MAT2A: variants seen among roughly 807,000 people sequenced by gnomAD.
MAT2A encodes S-adenosylmethionine synthase isoform type-2.
A neutral mutation model predicts 43.9 loss-of-function variants in MAT2A; 3 were observed. That is an observed-to-expected ratio of 0.07 (90% confidence interval 0.03 to 0.18). The LOEUF (loss-of-function observed/expected upper bound fraction) is 0.18. MAT2A is among the 10% of genes least tolerant of loss of function. The pLI is 1.00. For synonymous variants in MAT2A, 200 were observed against 168.4 expected (o/e 1.19, Z -1.45); for missense variants, 204 against 489.0 (o/e 0.42, Z 5.50).
At chr2:85,540,081 T>C (rs967187416) in intron 1 of MAT2A, 3 of 152,204 alleles carry the variant, frequency 2.0e-5, no homozygotes, top group Admixed American at 6.5e-5. Context: ...ATGGGAAGCA[T>C]GAATTAGGAG....
rs761278339 is a variant in MAT2A at position 85,539,266 on chromosome 2, A to T, written c.-22A>T. 2.5e-6 allele frequency: 4 copies of T among 1,584,454 alleles called. No homozygotes were observed. ...CTCGCCGCTGCTCCTTCGTAAGGCC[A>T]CTTCCGCACACCGACACCAACATGA... On this transcript the variant is annotated 5_prime_UTR_variant, in exon 1 of 9. Coordinates refer to ENST00000306434, the MANE Select transcript of MAT2A (RefSeq NM_005911.6).
rs1261187254 is a variant in MAT2A at position 85,542,730 on chromosome 2, C to G, written c.934C>G (p.Arg312Gly). Residue 312 changes from arginine (R) to glycine (G), a missense_variant, in exon 7 of 9, where the codon CGG becomes GGG. Coordinates refer to ENST00000306434, the MANE Select transcript of MAT2A (RefSeq NM_005911.6). ...AKSLVKGGLCRRVLVQVSYAI... is the reference protein window; with the variant it reads ...AKSLVKGGLCGRVLVQVSYAI... The stretch of plus-strand genomic sequence containing the variant: ...ATCCCTTGTTAAAGGAGGTCTGTGC[C>G]GGAGGGTTCTTGTTCAGGTATACAC... 6.2e-7 allele frequency: 1 copy of G among 1,611,764 alleles called. No homozygotes were observed. Among genetic ancestry groups the G allele is most frequent in the East Asian group, 2.2e-5 (1 of 44,842 alleles).
intron 6 of MAT2A, 78 bp from the exon 7 acceptor site, chr2:85,542,487 C>A: frequency 1.3e-6 from 2 of 1,535,046 alleles, no homozygotes; most frequent in Non-Finnish European, 1.8e-6. Context: ...AGGATATTTG[C>A]TGAATGAATT....
chr2:85,539,237 C>G lies in MAT2A; in HGVS notation c.-51C>G. ...CAGCTTGCGCATTTCGCAGCCGCTGCCGCCTCGCCGCTGCTCCTTCGTAAG... is the reference window on the plus strand; with the variant it reads ...CAGCTTGCGCATTTCGCAGCCGCTGGCGCCTCGCCGCTGCTCCTTCGTAAG... On this transcript the variant is annotated 5_prime_UTR_variant, in exon 1 of 9. Coordinates refer to ENST00000306434, the MANE Select transcript of MAT2A (RefSeq NM_005911.6). The G allele has an allele frequency of 7.4e-7, 1 of 1,346,062 alleles. No individual in the cohort carries two copies. 83.4% of individuals were successfully genotyped at this position (1,346,062 alleles called of 1,614,324 possible). A position where few individuals can be genotyped will look rare whatever the true frequency, so the allele number is the denominator to read the frequency against.
Position 85,543,150 on chromosome 2 carries a change from T to C in MAT2A, c.1085+116T>C, listed in dbSNP as rs867955485. 1.0e-4 allele frequency: 122 copies of C among 1,190,704 alleles called. 2 individuals are homozygous for C. In the Middle Eastern group the frequency reaches 2.1e-3, roughly 20 times the overall value. The allele number at this position is 1,190,704 out of a possible 1,614,324, so 73.8% of individuals were successfully genotyped here. A position where few individuals can be genotyped will look rare whatever the true frequency, so the allele number is the denominator to read the frequency against. On this transcript the variant is annotated intron_variant, in intron 8 of 8. Transcript: ENST00000306434. ...GAAGACTCCTCAAATGGGAATATAT[T>C]TTAATTCCTGGAACAGTTTTGAACT...
chr2:85,542,003 CATTT>C (rs1416950426), intron 5 of MAT2A, 31 bp downstream of exon 5: 46 of 1,605,486 alleles, frequency 2.9e-5, no homozygotes, highest in Non-Finnish European at 3.2e-5. Flanking sequence ...TTGGTTGTCT[CATTT>C]ATTACATCAG....
At chr2:85,540,640 G>T (rs780303923) in intron 1 of MAT2A, among the ~76,000 whole-genome samples, 3 of 152,200 alleles carry the variant, frequency 2.0e-5, no homozygotes, top group Non-Finnish European at 2.9e-5. Context: ...TTTGTTTCCT[G>T]CGCAACTCCT....
Position 85,539,201 on chromosome 2 carries a change from A to G in MAT2A, c.-87A>G, listed in dbSNP as rs989401149. On this transcript the variant is annotated 5_prime_UTR_variant, in exon 1 of 9. Coordinates refer to ENST00000306434, the MANE Select transcript of MAT2A (RefSeq NM_005911.6). ...CGCGCCGCCCGCCTGCTACGAGTAG[A>G]ACGCTGTCCGCAGCTTGCGCATTTC... The G allele has an allele frequency of 9.5e-6, 9 of 951,210 alleles. No individual in the cohort carries two copies. The highest frequency in any genetic ancestry group is 6.5e-5 in the Admixed American group (3 of 46,476). The allele number at this position is 951,210 out of a possible 1,614,324, so 58.9% of individuals were successfully genotyped here.
chr2:85,542,126 A>G, intron 5 of MAT2A, 29 bp from the exon 6 acceptor site: 1 of 1,592,522 alleles, frequency 6.3e-7, no homozygotes, highest in Non-Finnish European at 8.6e-7. Flanking sequence ...GTTTGGTGTG[A>G]TGTTCTGATG....
At chr2:85,541,049 T>A in intron 1 of MAT2A, 34 bp from the exon 2 acceptor site, 1 of 1,522,292 alleles carries the variant, frequency 6.6e-7, no homozygotes, top group African/African-American at 1.4e-5. Context: ...TGTTTAAAGT[T>A]AAAGAAACTG....
At chr2:85,542,797 G>T in intron 7 of MAT2A, 50 bp downstream of exon 7, 1 of 1,542,566 alleles carries the variant, frequency 6.5e-7, no homozygotes, top group Non-Finnish European at 8.9e-7. Flanking sequence ...AAGTGGGAGG[G>T]TATTTAGTAG....
In MAT2A at chr2:85,540,935, G is replaced by A. The variant is rs529655800; in HGVS notation, c.92-148G>A. 9.9e-5 allele frequency: 60 copies of A among 604,346 alleles called. No individual in the cohort carries two copies. In the African/African-American group the frequency reaches 1.0e-3, roughly 10 times the overall value. The allele number at this position is 604,346 out of a possible 1,614,324, so 37.4% of individuals were successfully genotyped here. On this transcript the variant is annotated intron_variant, in intron 1 of 8. Transcript: ENST00000306434. ...GCAAACTTTGAATTTTAGGAGGAAAGTGCAAACACAATGAATTAAGATGTA... is the reference window on the plus strand; with the variant it reads ...GCAAACTTTGAATTTTAGGAGGAAAATGCAAACACAATGAATTAAGATGTA...
chr2:85,542,817 T>C, intron 7 of MAT2A, 70 bp downstream of exon 7: 2 of 1,555,744 alleles, frequency 1.3e-6, no homozygotes, highest in Non-Finnish European at 1.8e-6. Context: ...GTAATCTACT[T>C]AACTACTTGT....
Position 85,539,320 on chromosome 2 carries a change from G to A in MAT2A, c.33G>A (p.Ala11=), listed in dbSNP as rs1573306274. The change falls in exon 1 of 9, where the codon GCG becomes GCA. Residue 11 remains alanine, a synonymous_variant. Coordinates refer to ENST00000306434, the MANE Select transcript of MAT2A (RefSeq NM_005911.6). MNGQLNGFHE[A]FIEEGTFLFT... is the part of the protein sequence containing the mutation. ...GACAGCTCAACGGCTTCCACGAGGC[G>A]TTCATCGAGGAGGGCACATTCCTTT... is the stretch of plus-strand genomic sequence containing the variant. 1 of 1,606,700 alleles carries A rather than the reference G, an allele frequency of 6.2e-7. No homozygotes were observed. The highest frequency in any genetic ancestry group is 8.5e-7 in the Non-Finnish European group (1 of 1,177,022).
intron 1 of MAT2A, among the ~76,000 whole-genome samples, chr2:85,540,381 TGA>T (rs929520345): frequency 6.6e-6 from 1 of 152,206 alleles, no homozygotes; most frequent in Non-Finnish European, 1.5e-5. Context: ...CTTAGTGGTA[TGA>T]GAGGACAAAC....
intron 3 of MAT2A, 96 bp downstream of exon 3, chr2:85,541,473 G>A (rs1691475545): frequency 6.9e-7 from 1 of 1,459,352 alleles, no homozygotes; most frequent in East Asian, 2.3e-5. Flanking sequence ...AACTCCAGTT[G>A]TATCTTACTA....
intron 3 of MAT2A, 96 bp downstream of exon 3, chr2:85,541,473 GTA>G: frequency 4.8e-6 from 7 of 1,459,352 alleles, no homozygotes; most frequent in Non-Finnish European, 6.6e-6. Flanking sequence ...AACTCCAGTT[GTA>G]TCTTACTATA....
At position 85,544,389 on chromosome 2, in the gene MAT2A, C is replaced by A. The variant is rs758737664; in HGVS notation, c.*617C>A. The A allele has an allele frequency of 6.5e-6, 1 of 152,688 alleles. No individual in the cohort carries two copies. The highest frequency in any genetic ancestry group is 6.5e-5 in the Admixed American group (1 of 15,280). The allele number at this position is 152,688 out of a possible 1,614,324, so 9.5% of individuals were successfully genotyped here. On this transcript the variant is annotated 3_prime_UTR_variant, in exon 9 of 9. Coordinates refer to ENST00000306434, the MANE Select transcript of MAT2A (RefSeq NM_005911.6). Reference sequence around the variant, plus strand: ...AGCCTGACATCAAAAAAGGCAGTTACCATTAAACCATCTCCCTGGTGCTTA... The same window carrying A: ...AGCCTGACATCAAAAAAGGCAGTTAACATTAAACCATCTCCCTGGTGCTTA...
chr2:85,542,767 C>T lies in MAT2A; in HGVS notation c.951+20C>T, dbSNP rs773338503. 6.3e-6 allele frequency: 10 copies of T among 1,585,352 alleles called. No individual in the cohort carries two copies. Among genetic ancestry groups the T allele is most frequent in the African/African-American group, 5.4e-5 (4 of 73,916 alleles). ...GTTCAGGTATACACTCTTTATATAACGAACGATTAAAAGTCATGTAAGTGG... is the reference window on the plus strand; with the variant it reads ...GTTCAGGTATACACTCTTTATATAATGAACGATTAAAAGTCATGTAAGTGG... On this transcript the variant is annotated intron_variant, in intron 7 of 8. Coordinates refer to ENST00000306434, the MANE Select transcript of MAT2A (RefSeq NM_005911.6).
Sources: allele counts gnomAD v4.1 joint callset (sites outside exome capture counted in the v4.1 genomes callset), GRCh38; gene constraint gnomAD v4.1.1; transcripts MANE v1.5; gene names NCBI Gene and HGNC (gene_info 2026-07-23, HGNC 2026-07-21).